The following PPA1 variants were observed in gnomAD, a reference collection of about 807,000 sequenced individuals.
The protein encoded by PPA1 is inorganic pyrophosphatase 1, also known as inorganic pyrophosphatase.
PPA1 carries 23 observed loss-of-function variants against 41.8 expected under a neutral mutation model. The observed-to-expected ratio is 0.55, with a 90% CI of 0.40 to 0.78. PPA1 has a LOEUF of 0.78. Ranked by LOEUF, PPA1 falls within the 30% of genes least tolerant of loss-of-function variation. The probability of loss-of-function intolerance (pLI) is 0.00; values close to 1 mark genes in which losing one functional copy is unlikely to be tolerated. For missense variants in PPA1, 320 were observed against 361.6 expected (o/e 0.89, Z 0.93); for synonymous variants, 101 against 116.8 (o/e 0.86, Z 0.87).
chr10:70,204,969 A>G, intron 9 of PPA1, 54 bp from the exon 10 acceptor site: 3 of 1,406,480 alleles, frequency 2.1e-6, no homozygotes, highest in Non-Finnish European at 2.9e-6. Flanking sequence ...TTAAAAAGCT[A>G]AAAAGGTATA....
chr10:70,232,061 A>C (rs1386704816), intron 1 of PPA1, among the ~76,000 whole-genome samples: 3 of 152,194 alleles, frequency 2.0e-5, no homozygotes, highest in Non-Finnish European at 4.4e-5. Context: ...TTAATTGCAA[A>C]ATTAAATAAA....
At chr10:70,203,263 A>C (rs1839901445) in intron 10 of PPA1, 77 bp from the exon 11 acceptor site, 2 of 1,256,158 alleles carry the variant, frequency 1.6e-6, no homozygotes, top group Non-Finnish European at 2.3e-6. Context: ...AACAAAGACT[A>C]ATATACTTGC....
At chr10:70,217,177 T>C (rs1238563195) in intron 4 of PPA1, among the ~76,000 whole-genome samples, 2 of 141,636 alleles carry the variant, frequency 1.4e-5, no homozygotes, top group Non-Finnish European at 3.1e-5. Flanking sequence ...TTTTTTTAAT[T>C]AAAAAAAAAA....
chr10:70,220,203 T>C (rs1310531937), intron 2 of PPA1, among the ~76,000 whole-genome samples: 1 of 150,994 alleles, frequency 6.6e-6, no homozygotes, highest in East Asian at 2.0e-4. Context: ...GTGCTGGGAT[T>C]ACAGGTGTAA....
At chr10:70,222,480 C>T (rs1840184806) in intron 2 of PPA1, among the ~76,000 whole-genome samples, 1 of 151,828 alleles carries the variant, frequency 6.6e-6, no homozygotes, top group Non-Finnish European at 1.5e-5. Context: ...TTCTAGGCTC[C>T]GAAGACTAGC....
intron 8 of PPA1, 48 bp from the exon 9 acceptor site, chr10:70,206,381 T>C: frequency 3.6e-6 from 5 of 1,391,744 alleles, no homozygotes; most frequent in South Asian, 1.2e-5. Flanking sequence ...ACAAAAATTA[T>C]CTCTTAAGAG....
chr10:70,209,527 C>T (rs1469002475), intron 7 of PPA1, 31 bp downstream of exon 7: 2 of 1,568,976 alleles, frequency 1.3e-6, no homozygotes, highest in Non-Finnish European at 8.6e-7. Flanking sequence ...TACAAATGAG[C>T]CTAAAGCTAC....
chr10:70,214,611 C>T, intron 4 of PPA1, 25 bp from the exon 5 acceptor site: 2 of 1,533,094 alleles, frequency 1.3e-6, no homozygotes, highest in Middle Eastern at 1.7e-4. Context: ...CAGTGTATAT[C>T]ATTCCTATAC....
chr10:70,212,389 G>A (rs1241483061), intron 6 of PPA1, among the ~76,000 whole-genome samples: 9 of 152,230 alleles, frequency 5.9e-5, no homozygotes. Flanking sequence ...ACTTGTACAG[G>A]AATGTTCATG....
intron 9 of PPA1, 54 bp downstream of exon 9, chr10:70,206,210 A>G (rs377692253): frequency 3.7e-6 from 5 of 1,358,104 alleles, no homozygotes; most frequent in Non-Finnish European, 5.2e-6. Flanking sequence ...CCCATTTAGC[A>G]TCATAGTTTT....
chr10:70,211,577 A>G (rs933732753), intron 6 of PPA1, among the ~76,000 whole-genome samples: 3 of 152,212 alleles, frequency 2.0e-5, no homozygotes, highest in African/African-American at 7.2e-5. Flanking sequence ...AGAGATGCAC[A>G]GGGGCAAGCT....
chr10:70,210,917 C>A (rs1477019851), intron 6 of PPA1, among the ~76,000 whole-genome samples: 1 of 152,054 alleles, frequency 6.6e-6, no homozygotes, highest in Non-Finnish European at 1.5e-5. Context: ...AGGTGCCCAC[C>A]ACCATGCCTG....
chr10:70,204,968 T>TA, intron 9 of PPA1, 53 bp from the exon 10 acceptor site: 1 of 1,405,578 alleles, frequency 7.1e-7, no homozygotes, highest in Non-Finnish European at 9.8e-7. Flanking sequence ...TTTAAAAAGC[T>TA]AAAAAGGTAT....
chr10:70,228,342 T>C (rs1372411973), intron 2 of PPA1, among the ~76,000 whole-genome samples: 5 of 152,214 alleles, frequency 3.3e-5, no homozygotes, highest in Non-Finnish European at 5.9e-5. Flanking sequence ...ATGATCATTC[T>C]GGTCCTTGGT....
At chr10:70,231,958 C>G (rs1564587290) in intron 1 of PPA1, among the ~76,000 whole-genome samples, 1 of 152,206 alleles carries the variant, frequency 6.6e-6, no homozygotes, top group African/African-American at 2.4e-5. Context: ...CCTCTGTAAG[C>G]CTTTCCTACA....
chr10:70,225,515 C>T (rs547186506), intron 2 of PPA1, among the ~76,000 whole-genome samples: 1 of 152,208 alleles, frequency 6.6e-6, no homozygotes, highest in East Asian at 1.9e-4. Context: ...GCACCCAGCC[C>T]ACCCCCCATT....
rs759261303 is a variant in PPA1 at position 70,233,341 on chromosome 10, T to TGCCGCC, written c.-20_-15dup. ...GAAGCCGCTCATAGTGCCGGAGTCC[T>TGCCGCC]GCCGCCGCCGCTGCCACAGAGCCAC... On this transcript the variant is annotated 5_prime_UTR_variant, in exon 1 of 11. Coordinates refer to ENST00000373232, the MANE Select transcript of PPA1 (RefSeq NM_021129.4). 3.3e-6 allele frequency: 5 copies of TGCCGCC among 1,533,418 alleles called. No individual in the cohort carries two copies. In the South Asian group the frequency reaches 6.1e-5, roughly 19 times the overall value. The allele number at this position is 1,533,418 out of a possible 1,614,324, so 95.0% of individuals were successfully genotyped here.
chr10:70,210,541 A>T, intron 6 of PPA1: 1 of 830,156 alleles, frequency 1.2e-6, no homozygotes, highest in South Asian at 1.9e-5. Flanking sequence ...TGGCTGACAG[A>T]AAAGTGCACT....
Position 70,225,311 on chromosome 10 carries a change from G to A in PPA1, c.123+5030C>T, listed in dbSNP as rs563238171. Among the ~76,000 whole-genome samples, 189 of 152,008 alleles carry A rather than the reference G, an allele frequency of 1.2e-3. 3 individuals carry two copies. Among genetic ancestry groups the A allele is most frequent in the African/African-American group, 4.3e-3 (180 of 41,472 alleles). ...CAGCTCACTGCAACCTCCGTCTCCG[G>A]GGCTCAAGTGATCCTCCTACCTCTG... On this transcript the variant is annotated intron_variant, in intron 2 of 10. Transcript: ENST00000373232.
Sources: gnomAD v4.1 joint callset for allele counts (sites outside exome capture counted in the v4.1 genomes callset) on GRCh38, gnomAD v4.1.1 for gene constraint, MANE v1.5 for transcripts, NCBI Gene and HGNC (gene_info 2026-07-23, HGNC 2026-07-21) for gene names.